The following TENM4 variants were observed in gnomAD, a reference collection of about 807,000 sequenced individuals.
The protein encoded by TENM4 is teneurin-4.
In TENM4, 82 loss-of-function variants were observed where a neutral mutation model predicts 243.3. The observed-to-expected ratio is 0.34, with a 90% CI of 0.28 to 0.40. The LOEUF (loss-of-function observed/expected upper bound fraction) is 0.40, where lower values mean the gene tolerates loss of function less well. TENM4 is among the 10% of genes least tolerant of loss of function. TENM4 has a pLI of 1.00. For synonymous variants in TENM4, 1,412 were observed against 1,456.3 expected (o/e 0.97, Z 0.69); for missense variants, 3,138 against 3,673.3 (o/e 0.85, Z 3.77).
intron 1 of TENM4, among the ~76,000 whole-genome samples, chr11:79,342,801 T>C (rs1220657173): frequency 6.6e-6 from 1 of 152,184 alleles, no homozygotes; most frequent in East Asian, 1.9e-4. Context: ...CCTGGCGTCA[T>C]CTGGATTCCA....
At chr11:78,941,211 G>A (rs868053890) in intron 6 of TENM4, among the ~76,000 whole-genome samples, 8 of 152,172 alleles carry the variant, frequency 5.3e-5, no homozygotes, top group South Asian at 2.1e-4. Flanking sequence ...TCTGAGCCTC[G>A]GTTGCCTCAC....
chr11:78,891,454 C>T lies in TENM4; in HGVS notation c.750-118G>A, dbSNP rs1457860253. On this transcript the variant is annotated intron_variant, in intron 7 of 33. Coordinates refer to ENST00000278550, the MANE Select transcript of TENM4 (RefSeq NM_001098816.3). ...CTGTGTGCGTAAGACCAGCGGGACACGGTTTCCAGGCAATGGGTCAGTGTG... is the reference window on the plus strand; with the variant it reads ...CTGTGTGCGTAAGACCAGCGGGACATGGTTTCCAGGCAATGGGTCAGTGTG... 1.4e-5 allele frequency: 12 copies of T among 888,792 alleles called. No individual in the cohort carries two copies. The African/African-American group carries it at 1.5e-4, about 11-fold the overall frequency. The allele number at this position is 888,792 out of a possible 1,614,324, so 55.1% of individuals were successfully genotyped here. A position where few individuals can be genotyped will look rare whatever the true frequency, so the allele number is the denominator to read the frequency against.
At chr11:78,691,744 A>G (rs678027) in intron 28 of TENM4, among the ~76,000 whole-genome samples, 6,549 of 152,266 alleles carry the variant, frequency 0.043, 308 homozygotes, top group African/African-American at 0.12. Context: ...AAAAACAGTA[A>G]TTTCCACTCT....
At chr11:79,126,926 G>A (rs1861891233) in intron 4 of TENM4, among the ~76,000 whole-genome samples, 1 of 152,152 alleles carries the variant, frequency 6.6e-6, no homozygotes, top group Admixed American at 6.6e-5. Flanking sequence ...CTGGACACTG[G>A]CTCTGAGCTG....
At chr11:79,350,484 C>T (rs1310264051) in intron 1 of TENM4, among the ~76,000 whole-genome samples, 1 of 149,760 alleles carries the variant, frequency 6.7e-6, no homozygotes, top group Non-Finnish European at 1.5e-5. Flanking sequence ...GGCTACAGTG[C>T]AGTGGCACAA....
At chr11:79,389,653 G>A (rs1261967415) in intron 1 of TENM4, among the ~76,000 whole-genome samples, 1 of 152,178 alleles carries the variant, frequency 6.6e-6, no homozygotes, top group African/African-American at 2.4e-5. Flanking sequence ...ATCAATATTT[G>A]CAATCAATTT....
intron 2 of TENM4, among the ~76,000 whole-genome samples, chr11:79,279,159 G>A (rs558933919): frequency 1.3e-5 from 2 of 152,324 alleles, no homozygotes; most frequent in South Asian, 4.1e-4. Context: ...CCTTGGCTGA[G>A]CACCAGCTGT....
chr11:79,330,793 G>T (rs1258934512), intron 1 of TENM4, among the ~76,000 whole-genome samples: 1 of 152,214 alleles, frequency 6.6e-6, no homozygotes, highest in East Asian at 1.9e-4. Context: ...CTAATGTGCA[G>T]CAGAGCTGGG....
intron 6 of TENM4, among the ~76,000 whole-genome samples, chr11:78,947,863 C>T (rs1857032945): frequency 6.6e-6 from 1 of 152,180 alleles, no homozygotes; most frequent in Non-Finnish European, 1.5e-5. Flanking sequence ...CCTGTTTTAT[C>T]ACAACTGCCA....
chr11:79,258,828 T>C (rs2135319270), intron 2 of TENM4, among the ~76,000 whole-genome samples: 1 of 152,316 alleles, frequency 6.6e-6, no homozygotes, highest in African/African-American at 2.4e-5. Context: ...GATGTGTCTG[T>C]CATTTATTCA....
At chr11:78,853,389 G>A (rs192346725) in intron 12 of TENM4, among the ~76,000 whole-genome samples, 2 of 152,204 alleles carry the variant, frequency 1.3e-5, no homozygotes, top group Non-Finnish European at 2.9e-5. Context: ...GTAAAGAAGA[G>A]AAACTCTTTA....
intron 12 of TENM4, among the ~76,000 whole-genome samples, chr11:78,817,389 G>A (rs542521278): frequency 6.6e-6 from 1 of 152,264 alleles, no homozygotes; most frequent in African/African-American, 2.4e-5. Context: ...CACAAGCAGT[G>A]CTTTATATTA....
At chr11:78,969,373 G>A (rs182400929) in intron 6 of TENM4, among the ~76,000 whole-genome samples, 7 of 152,274 alleles carry the variant, frequency 4.6e-5, no homozygotes, top group East Asian at 1.9e-4. Flanking sequence ...TGTGTGAATC[G>A]GTGATGGTAA....
chr11:79,055,830 A>T (rs1859929468), intron 6 of TENM4, among the ~76,000 whole-genome samples: 1 of 152,134 alleles, frequency 6.6e-6, no homozygotes, highest in African/African-American at 2.4e-5. Flanking sequence ...CCTCCTTCCA[A>T]GTTATCTCAC....
chr11:78,813,601 G>A (rs1176469571), intron 13 of TENM4, among the ~76,000 whole-genome samples: 1 of 152,204 alleles, frequency 6.6e-6, no homozygotes, highest in Admixed American at 6.5e-5. Flanking sequence ...GGCCAAGTTA[G>A]TTTCCCAGGG....
At chr11:79,032,512 T>C (rs1365152201) in intron 6 of TENM4, among the ~76,000 whole-genome samples, 1 of 152,170 alleles carries the variant, frequency 6.6e-6, no homozygotes, top group Non-Finnish European at 1.5e-5. Flanking sequence ...TATAAGTTTC[T>C]AAAAGGCGCC....
chr11:78,742,681 C>T (rs1855957679), intron 19 of TENM4, among the ~76,000 whole-genome samples: 1 of 152,270 alleles, frequency 6.6e-6, no homozygotes, highest in East Asian at 1.9e-4. Flanking sequence ...TGAGTCCAAC[C>T]ACACACTCAG....
chr11:79,220,648 A>T (rs1359095618), intron 2 of TENM4, among the ~76,000 whole-genome samples: 3 of 152,180 alleles, frequency 2.0e-5, no homozygotes, highest in African/African-American at 7.2e-5. Context: ...TAGAGAAAAA[A>T]TGCTGAAACT....
At chr11:79,253,640 C>G (rs1225340844) in intron 2 of TENM4, among the ~76,000 whole-genome samples, 5 of 152,140 alleles carry the variant, frequency 3.3e-5, no homozygotes, top group Non-Finnish European at 7.3e-5. Flanking sequence ...CCGATGGGAT[C>G]CTAAATAATT....
Sources: gnomAD v4.1 joint callset for allele counts (sites outside exome capture counted in the v4.1 genomes callset) on GRCh38, gnomAD v4.1.1 for gene constraint, MANE v1.5 for transcripts, NCBI Gene and HGNC (gene_info 2026-07-23, HGNC 2026-07-21) for gene names.